The following CCDC40 variants were observed in gnomAD, a reference collection of about 807,000 sequenced individuals.
CCDC40 encodes coiled-coil domain-containing protein 40.
CCDC40 carries 104 observed loss-of-function variants against 124.5 expected under a neutral mutation model. That is an observed-to-expected ratio of 0.84 (90% CI 0.71 to 0.98). The LOEUF is 0.98. Among genes scored for constraint, CCDC40 ranks in the 50% least tolerant of loss-of-function variants. The pLI, the probability that CCDC40 is intolerant of heterozygous loss-of-function variation, is 0.00. For missense variants in CCDC40, 1,463 were observed against 1,503.9 expected (o/e 0.97, Z 0.45); for synonymous variants, 580 against 602.9 (o/e 0.96, Z 0.56).
chr17:80,065,538 A>C lies in CCDC40; in HGVS notation c.1494A>C (p.Gln498His). Residue 498 changes from glutamine (Q) to histidine (H), a missense_variant, in exon 10 of 20, where the codon CAA becomes CAC. Physicochemically the swap from Gln to His is conservative, Grantham distance 24. Transcript: ENST00000397545. ...TGGAGAAGAGGCGCATCATGCAGCA[A>C]TGGGCCAGCAGCCTGGTGGGCATGA... is the stretch of plus-strand genomic sequence containing the variant. ...ISVEKRRIMQ[Q>H]WASSLVGMKH... 1 of 1,612,968 alleles carries C rather than the reference A, an allele frequency of 6.2e-7. No homozygotes were observed. Among genetic ancestry groups the C allele is most frequent in the Non-Finnish European group, 8.5e-7 (1 of 1,179,926 alleles).
chr17:80,058,437 G>C lies in CCDC40; in HGVS notation c.1160-57G>C, dbSNP rs146646353. ...CCTCCTGGGTCTCTGCATGGGGGAC[G>C]CTGGGACAGCCTCCCCACTCACTCT... On this transcript the variant is annotated intron_variant, in intron 7 of 19. Transcript: ENST00000397545. This position sits in a 1 kb window ranked among gnomAD's most constrained non-coding sequence, Gnocchi z 4.2. 27,235 of 1,556,858 alleles carry C rather than the reference G, an allele frequency of 0.017. 293 individuals are homozygous for C. The highest frequency in any genetic ancestry group is 0.055 in the Middle Eastern group (256 of 4,636).
At position 80,081,537 on chromosome 17, in the gene CCDC40, T is replaced by C; in HGVS notation, c.1563-9T>C. On this transcript the variant is annotated splice_polypyrimidine_tract_variant and intron_variant, in intron 10 of 19. Coordinates refer to ENST00000397545, the MANE Select transcript of CCDC40 (RefSeq NM_017950.4). ...CACGTAACTGGCTCTCCCCGCTGCA[T>C]TTCTACAGAGGATGCCAGCATCAAG... The C allele has an allele frequency of 6.2e-7, 1 of 1,613,420 alleles. No homozygotes were observed. Among genetic ancestry groups the C allele is most frequent in the Non-Finnish European group, 8.5e-7 (1 of 1,180,036 alleles).
chr17:80,056,016 A>ATATATATTTTTT (rs71163913), intron 7 of CCDC40, among the ~76,000 whole-genome samples: 1 of 10,252 alleles, frequency 9.8e-5, no homozygotes, highest in Non-Finnish European at 1.6e-4. Context: ...ATATATATAT[A>ATATATATTTTTT]TTTTTTTTTT....
At position 80,040,159 on chromosome 17, in the gene CCDC40, T is replaced by C. The variant is rs1441095557; in HGVS notation, c.441T>C (p.Gly147=). The C allele has an allele frequency of 1.2e-6, 2 of 1,613,770 alleles. No individual in the cohort carries two copies. The highest frequency in any genetic ancestry group is 1.1e-5 in the South Asian group (1 of 91,068). ...AAGGCTTCCAGCAAGAGGCCACCGG[T>C]CCACCAGAATCCAGAGAAAGGAGGG... ...GLQGFQQEAT[G]PPESRERRVT... The change falls in exon 3 of 20, where the codon GGT becomes GGC. Residue 147 remains glycine, a synonymous_variant. Transcript: ENST00000397545.
rs75326195 is a variant in CCDC40, at chr17:80,047,761, C to T, written c.676+359C>T. On this transcript the variant is annotated intron_variant, in intron 4 of 19. Transcript: ENST00000397545. ...TTCTCACGGGCTCCTGGTCTCAGAGCGAGACGTGCCGTGACAGCAACCCCA... is the reference window on the plus strand; with the variant it reads ...TTCTCACGGGCTCCTGGTCTCAGAGTGAGACGTGCCGTGACAGCAACCCCA... 1.1e-3 allele frequency among the ~76,000 whole-genome samples: 169 copies of T among 152,242 alleles called. 1 individual carries two copies. The East Asian group carries it at 0.015, about 14-fold the overall frequency.
intron 10 of CCDC40, among the ~76,000 whole-genome samples, chr17:80,068,511 G>A (rs913943630): frequency 6.6e-6 from 1 of 152,144 alleles, no homozygotes; most frequent in African/African-American, 2.4e-5. Flanking sequence ...AGCTAGGAGT[G>A]CAGTGACTGA....
At chr17:80,065,782 G>A (rs977570928) in intron 10 of CCDC40, among the ~76,000 whole-genome samples, 176 bp downstream of exon 10, 4 of 152,244 alleles carry the variant, frequency 2.6e-5, no homozygotes, top group East Asian at 3.9e-4. Context: ...AGATTTCAGC[G>A]ATTCTTAAAT....
At chr17:80,042,271 A>G (rs1200441569) in intron 3 of CCDC40, among the ~76,000 whole-genome samples, 3 of 151,990 alleles carry the variant, frequency 2.0e-5, no homozygotes, top group Non-Finnish European at 2.9e-5. Context: ...GGCACACACC[A>G]CCACACCTGG....
In CCDC40 at chr17:80,040,055, A is replaced by T. The variant is rs1342959828; in HGVS notation, c.337A>T (p.Thr113Ser). ...PEGQISAADTTYPYFSPPQEL... is the reference protein window; with the variant it reads ...PEGQISAADTSYPYFSPPQEL... ...AGGGCAAATCAGTGCTGCAGATACG[A>T]CTTACCCGTATTTCAGTCCTCCTCA... The change falls in exon 3 of 20, where the codon ACT (threonine) becomes TCT (serine). Residue 113 changes from threonine to serine, a missense_variant. By Grantham distance (58) the Thr-to-Ser change is moderately conservative. Coordinates refer to ENST00000397545, the MANE Select transcript of CCDC40 (RefSeq NM_017950.4). 3.7e-6 allele frequency: 6 copies of T among 1,613,894 alleles called. No homozygotes were observed. The highest frequency in any genetic ancestry group is 4.2e-6 in the Non-Finnish European group (5 of 1,179,860).
intron 17 of CCDC40, among the ~76,000 whole-genome samples, chr17:80,091,200 G>A (rs2038714984): frequency 6.6e-6 from 1 of 152,020 alleles, no homozygotes; most frequent in Non-Finnish European, 1.5e-5. Context: ...CCAGTCCCAG[G>A]TTGGTGAAAA....
At chr17:80,060,031 A>G (rs1366517151) in intron 9 of CCDC40, among the ~76,000 whole-genome samples, 1 of 152,186 alleles carries the variant, frequency 6.6e-6, no homozygotes, top group African/African-American at 2.4e-5. Flanking sequence ...CCCTTAGTTA[A>G]CAAAACAATT....
chr17:80,058,712 C>T lies in CCDC40; in HGVS notation c.1317+61C>T, dbSNP rs2143649499. The T allele has an allele frequency of 6.2e-7, 1 of 1,606,398 alleles. No individual in the cohort carries two copies. Among genetic ancestry groups the T allele is most frequent in the Non-Finnish European group, 8.5e-7 (1 of 1,173,176 alleles). ...CAGACCGTGGAGCTTCAAAAAGGGG[C>T]TCAGCTTTGCCTCCTGCGTGAAGGC... On this transcript the variant is annotated intron_variant, in intron 8 of 19. Transcript: ENST00000397545. This position sits in a 1 kb window ranked among gnomAD's most constrained non-coding sequence, Gnocchi z 4.2.
chr17:80,074,249 G>T (rs1050839952), intron 10 of CCDC40, among the ~76,000 whole-genome samples: 1 of 152,152 alleles, frequency 6.6e-6, no homozygotes, highest in African/African-American at 2.4e-5. Context: ...GGTGGCTCAC[G>T]CCTGTAATCC....
intron 5 of CCDC40, among the ~76,000 whole-genome samples, chr17:80,049,474 G>A (rs535127208): frequency 6.0e-5 from 9 of 150,664 alleles, no homozygotes; most frequent in South Asian, 4.2e-4. Flanking sequence ...GCCCATCTTC[G>A]CAGCCACTGC....
At chr17:80,065,138 TC>T (rs372994279) in intron 9 of CCDC40, among the ~76,000 whole-genome samples, 1,309 of 38,578 alleles carry the variant, frequency 0.034, 93 homozygotes, top group South Asian at 0.053. Flanking sequence ...CCCCTCCCTC[TC>T]CCCCTTCTCC....
At chr17:80,090,581 G>C in intron 17 of CCDC40, 1 of 1,495,198 alleles carries the variant, frequency 6.7e-7, no homozygotes, top group Non-Finnish European at 8.9e-7. Context: ...CTCAAACTTT[G>C]TGACCCTCTA....
At position 80,044,698 on chromosome 17, in the gene CCDC40, CAAACAAACAAAAAAA is replaced by C. The variant is rs757476037; in HGVS notation, c.553-2577_553-2563del. Among the ~76,000 whole-genome samples the C allele has an allele frequency of 8.7e-3, 608 of 69,844 alleles. 11 individuals are homozygous for C. The highest frequency in any genetic ancestry group is 0.013 in the African/African-American group (344 of 26,440). 45.8% of individuals were successfully genotyped at this position (69,844 alleles called of 152,430 possible). On this transcript the variant is annotated intron_variant, in intron 3 of 19. Transcript: ENST00000397545. Reference sequence around the variant, plus strand: ...ACCCCATCTCAAAAACAAAACAAAACAAACAAACAAAAAAAAAAATATATATATATATATATATAT... The same window carrying C: ...ACCCCATCTCAAAAACAAAACAAAACAAAATATATATATATATATATATAT...
chr17:80,043,852 A>G (rs2037347680), intron 3 of CCDC40, among the ~76,000 whole-genome samples: 1 of 152,012 alleles, frequency 6.6e-6, no homozygotes, highest in African/African-American at 2.4e-5. Flanking sequence ...TTTCTCCAAC[A>G]GGGAGAAGCC....
intron 3 of CCDC40, among the ~76,000 whole-genome samples, chr17:80,043,092 G>A (rs1361567461): frequency 6.6e-6 from 1 of 152,106 alleles, no homozygotes; most frequent in Non-Finnish European, 1.5e-5. Context: ...TCTTACATCT[G>A]CATAGACTCA....
Sources: gnomAD v4.1 joint callset for allele counts (sites outside exome capture counted in the v4.1 genomes callset) on GRCh38, gnomAD v4.1.1 for gene constraint, Gnocchi (gnomAD v3.1) non-coding constraint, MANE v1.5 for transcripts, NCBI Gene and HGNC (gene_info 2026-07-23, HGNC 2026-07-21) for gene names.